RS1: variants seen among roughly 807,000 people sequenced by gnomAD.
The protein encoded by RS1 is retinoschisin.
RS1 carries 2 observed loss-of-function variants against 20.8 expected under a neutral mutation model. That is an observed-to-expected ratio of 0.10 (90% CI 0.04 to 0.30). The LOEUF is 0.30. RS1 is among the 10% of genes least tolerant of loss of function. RS1 has a pLI of 1.00. For synonymous variants in RS1, 70 were observed against 75.8 expected, an observed-to-expected ratio of 0.92 and a Z score of 0.40; for missense variants, 151 against 189.8, an observed-to-expected ratio of 0.80 and a Z score of 1.20.
In RS1 at chrX:18,661,013, C is replaced by T. The variant is rs746212968; in HGVS notation, c.53-3348G>A. Among the ~76,000 whole-genome samples, 4 of 112,111 alleles carry T rather than the reference C, an allele frequency of 3.6e-5. No homozygotes were observed. In the South Asian group the frequency reaches 1.1e-3, roughly 31 times the overall value. Reference sequence around the variant, plus strand: ...GCCCTTGTTCCACTGGTTACTCACCCGCTATGGGCAGAATTGACCTTCTCA... The same window carrying T: ...GCCCTTGTTCCACTGGTTACTCACCTGCTATGGGCAGAATTGACCTTCTCA... On this transcript the variant is annotated intron_variant, in intron 1 of 5. Coordinates refer to ENST00000379984, the MANE Select transcript of RS1 (RefSeq NM_000330.4).
chrX:18,644,765 C>T (rs1012348843), intron 4 of RS1, 140 bp from the exon 5 acceptor site: 2 of 558,178 alleles, frequency 3.6e-6, no homozygotes, highest in African/African-American at 4.6e-5. Context: ...CAGTCTGAGC[C>T]TTGTCTCCTA....
rs1366500596 is a variant in RS1 at position 18,647,172 on chromosome X, A to T, written c.326+19T>A. On this transcript the variant is annotated intron_variant, in intron 4 of 5. Coordinates refer to ENST00000379984, the MANE Select transcript of RS1 (RefSeq NM_000330.4). Reference sequence around the variant, plus strand: ...TTTTTTTAAAAGCACATGAAAAAAAATCCCCGGGCCCTGCTTACCCAAAGC... The same window carrying T: ...TTTTTTTAAAAGCACATGAAAAAAATTCCCCGGGCCCTGCTTACCCAAAGC... The T allele has an allele frequency of 1.9e-5, 23 of 1,206,599 alleles. No individual in the cohort carries two copies. Among genetic ancestry groups the T allele is most frequent in the Middle Eastern group, 2.4e-4 (1 of 4,104 alleles).
At chrX:18,666,306 G>A (rs1928404062) in intron 1 of RS1, among the ~76,000 whole-genome samples, 1 of 111,968 alleles carries the variant, frequency 8.9e-6, no homozygotes, top group African/African-American at 3.3e-5. Context: ...AGCCCTCACT[G>A]AGAAGGTGAT....
intron 3 of RS1, among the ~76,000 whole-genome samples, chrX:18,655,709 C>G (rs1247622494): frequency 9.0e-6 from 1 of 111,563 alleles, no homozygotes; most frequent in Non-Finnish European, 1.9e-5. Flanking sequence ...AAGTGGCCTG[C>G]TCACCTTGGC....
Position 18,656,712 on chromosome X carries a change from C to G in RS1, c.125G>C (p.Cys42Ser). The stretch of plus-strand genomic sequence containing the variant: ...CCACAGAGCATTGGGTCCTCCTTGG[C>G]AATCGCACTTGCATGCTTTTTGGTA... ...PWYQKACKCDCQGGPNALWSA... is the reference protein window; with the variant it reads ...PWYQKACKCDSQGGPNALWSA... Residue 42 changes from cysteine to serine, a missense_variant, in exon 3 of 6, where the codon TGC becomes TCC. Transcript: ENST00000379984. 8.3e-7 allele frequency: 1 copy of G among 1,211,372 alleles called. No homozygotes were observed. Among genetic ancestry groups the G allele is most frequent in the Non-Finnish European group, 1.1e-6 (1 of 895,273 alleles).
chrX:18,645,538 A>C, intron 4 of RS1, among the ~76,000 whole-genome samples: 1 of 104,930 alleles, frequency 9.5e-6, no homozygotes, highest in African/African-American at 3.5e-5. Context: ...CCTCCTCTCC[A>C]CCTCCAGTGC....
intron 5 of RS1, among the ~76,000 whole-genome samples, chrX:18,643,070 C>T (rs760834973): frequency 9.0e-6 from 1 of 111,341 alleles, no homozygotes; most frequent in African/African-American, 3.3e-5. Flanking sequence ...GACATAAAAA[C>T]TCGAAGGAAG....
intron 2 of RS1, 28 bp from the exon 3 acceptor site, chrX:18,656,786 A>G (rs1413550112): frequency 9.6e-6 from 11 of 1,150,792 alleles, no homozygotes; most frequent in Non-Finnish European, 1.3e-5. Context: ...GGCAGGGCAG[A>G]AAAGTCACGG....
At chrX:18,662,922 C>T (rs953897521) in intron 1 of RS1, among the ~76,000 whole-genome samples, 1 of 109,279 alleles carries the variant, frequency 9.2e-6, no homozygotes, top group Non-Finnish European at 1.9e-5. Context: ...CCACTGCACC[C>T]GACCTCATCC....
chrX:18,658,306 A>G (rs1457666773), intron 1 of RS1, among the ~76,000 whole-genome samples: 1 of 112,175 alleles, frequency 8.9e-6, no homozygotes, highest in Non-Finnish European at 1.9e-5. Context: ...CACTGTTAAC[A>G]TTTTAGTATA....
intron 3 of RS1, chrX:18,653,555 C>T (rs759463462): frequency 1.7e-6 from 2 of 1,208,239 alleles, no homozygotes; most frequent in Admixed American, 2.2e-5. Context: ...CTTCTGCAAG[C>T]CTGCGGCTGG....
intron 3 of RS1, chrX:18,650,063 C>T (rs1412470257): frequency 3.4e-6 from 1 of 292,791 alleles, no homozygotes; most frequent in Non-Finnish European, 6.2e-6. Flanking sequence ...CTCTCCCAGT[C>T]ACCTTATTCT....
chrX:18,664,998 G>A lies in RS1; in HGVS notation c.52+7019C>T, dbSNP rs548894514. Among the ~76,000 whole-genome samples the A allele has an allele frequency of 4.8e-3, 544 of 112,297 alleles. 2 individuals carry two copies. The highest frequency in any genetic ancestry group is 0.023 in the Middle Eastern group (5 of 218). On this transcript the variant is annotated intron_variant, in intron 1 of 5. Transcript: ENST00000379984. ...CTCCCAAAGTGCTGAGATTACAGGC[G>A]TGAGCCCCTGCACCTGGCCTCTTTT...
intron 1 of RS1, among the ~76,000 whole-genome samples, chrX:18,658,466 C>A (rs1289499729): frequency 9.2e-6 from 1 of 108,829 alleles, no homozygotes; most frequent in Non-Finnish European, 1.9e-5. Context: ...TTCTTTCTTT[C>A]TTTTTTGAGA....
At chrX:18,647,163 T>C in intron 4 of RS1, 28 bp downstream of exon 4, 7 of 1,207,879 alleles carry the variant, frequency 5.8e-6, no homozygotes, top group Non-Finnish European at 7.8e-6. Context: ...TAAAAGCACA[T>C]GAAAAAAAAT....
intron 1 of RS1, among the ~76,000 whole-genome samples, chrX:18,668,049 C>T (rs1463461366): frequency 2.7e-5 from 3 of 112,131 alleles, no homozygotes; most frequent in Non-Finnish European, 5.6e-5. Flanking sequence ...TTGCACCAAC[C>T]TAATAGTATC....
At chrX:18,665,550 G>A (rs189638470) in intron 1 of RS1, among the ~76,000 whole-genome samples, 28 of 109,672 alleles carry the variant, frequency 2.6e-4, no homozygotes, top group Non-Finnish European at 5.1e-4. Flanking sequence ...CTACTTCTCC[G>A]CCTGCTCAGC....
At chrX:18,659,485 T>C (rs1385446875) in intron 1 of RS1, among the ~76,000 whole-genome samples, 1 of 110,478 alleles carries the variant, frequency 9.1e-6, no homozygotes, top group Admixed American at 9.6e-5. Flanking sequence ...AATAAATTAA[T>C]TAAAATTATC....
rs753767629 is a variant in RS1, at chrX:18,640,434, A to ACCCCCCC, written c.*1563_*1569dup. The ACCCCCCC allele has an allele frequency of 8.1e-5, 4 of 49,197 alleles. No individual in the cohort carries two copies. Among genetic ancestry groups the ACCCCCCC allele is most frequent in the African/African-American group, 7.7e-5 (1 of 12,927 alleles). The allele number at this position is 49,197 out of a possible 1,213,427, so 4.1% of individuals were successfully genotyped here. On this transcript the variant is annotated 3_prime_UTR_variant, in exon 6 of 6. Transcript: ENST00000379984. The stretch of plus-strand genomic sequence containing the variant: ...CCTAAGGCCAGGGATAAGTCCCCCC[A>ACCCCCCC]CCCCCCCCCCCCACCCCCAACACCC...
Sources: gnomAD v4.1 joint callset for allele counts (sites outside exome capture counted in the v4.1 genomes callset) on GRCh38, gnomAD v4.1.1 for gene constraint, MANE v1.5 for transcripts, NCBI Gene and HGNC (gene_info 2026-07-23, HGNC 2026-07-21) for gene names.